MAP2: variants seen among roughly 807,000 people sequenced by gnomAD.
MAP2 encodes microtubule associated protein 2.
MAP2 carries 14 observed loss-of-function variants against 137.6 expected under a neutral mutation model. The observed-to-expected ratio is 0.10, with a 90% CI of 0.07 to 0.16. MAP2 has a LOEUF of 0.16. Among genes scored for constraint, MAP2 ranks in the 10% least tolerant of loss-of-function variants. The pLI, the probability that MAP2 is intolerant of heterozygous loss-of-function variation, is 1.00. For missense variants in MAP2, 2,088 were observed against 2,191.5 expected, an observed-to-expected ratio of 0.95 and a Z score of 0.94; for synonymous variants, 786 against 782.3, an observed-to-expected ratio of 1.00 and a Z score of -0.08.
chr2:209,515,726 A>T (rs1226330239), intron 2 of MAP2, among the ~76,000 whole-genome samples: 1 of 152,094 alleles, frequency 6.6e-6, no homozygotes, highest in African/African-American at 2.4e-5. Context: ...TTTAAGTACT[A>T]TTGTCTTCAT....
At chr2:209,656,931 C>T (rs933220720) in intron 5 of MAP2, among the ~76,000 whole-genome samples, 6 of 152,090 alleles carry the variant, frequency 3.9e-5, no homozygotes, top group East Asian at 1.9e-4. Flanking sequence ...TCTTTCCCAC[C>T]CTCCCGCCTT....
chr2:209,603,971 T>G (rs561972540), intron 3 of MAP2, among the ~76,000 whole-genome samples: 1 of 152,212 alleles, frequency 6.6e-6, no homozygotes, highest in Non-Finnish European at 1.5e-5. Context: ...CATTGCAAAT[T>G]CTAGTTAGCT....
rs537327489 is a variant in MAP2, at chr2:209,686,729, A to G, written c.455-5896A>G. 1.2e-4 allele frequency among the ~76,000 whole-genome samples: 19 copies of G among 152,304 alleles called. No homozygotes were observed. In the South Asian group the frequency reaches 3.7e-3, roughly 30 times the overall value. On this transcript the variant is annotated intron_variant, in intron 7 of 15. Transcript: ENST00000682079. ...TATGTTTAAATAATGCAAATTTCCT[A>G]GGCAAGATACAGGAAAGAACAGAAA...
intron 7 of MAP2, among the ~76,000 whole-genome samples, chr2:209,689,949 AACTTG>A (rs1189325817): frequency 1.3e-5 from 2 of 152,226 alleles, no homozygotes; most frequent in African/African-American, 4.8e-5. Context: ...AAGCTAACAT[AACTTG>A]ACTTAGGTAG....
At chr2:209,687,213 C>T (rs549220737) in intron 7 of MAP2, among the ~76,000 whole-genome samples, 2 of 149,654 alleles carry the variant, frequency 1.3e-5, no homozygotes, top group South Asian at 4.3e-4. Context: ...CTTGTGCATC[C>T]TAGATAATTA....
chr2:209,598,751 T>A (rs1339532719), intron 3 of MAP2, among the ~76,000 whole-genome samples: 54 of 151,110 alleles, frequency 3.6e-4, no homozygotes, highest in Middle Eastern at 3.2e-3. Flanking sequence ...TCCAATTTCA[T>A]CCATGTCCCT....
Position 209,604,676 on chromosome 2 carries a change from C to G in MAP2, c.-106-20377C>G, listed in dbSNP as rs142191715. On this transcript the variant is annotated intron_variant, in intron 3 of 15. Coordinates refer to ENST00000682079, the MANE Select transcript of MAP2 (RefSeq NM_001375505.1). ...TTCAAATTGTACACATAGGCAGGCC[C>G]AAACCCTGCGCACATGCTTTTTGTT... Among the ~76,000 whole-genome samples the G allele has an allele frequency of 9.4e-4, 143 of 152,214 alleles. 1 individual carries two copies. Among genetic ancestry groups the G allele is most frequent in the Admixed American group, 3.0e-3 (46 of 15,264 alleles).
intron 1 of MAP2, among the ~76,000 whole-genome samples, chr2:209,431,583 A>G (rs1694299551): frequency 6.6e-6 from 1 of 152,206 alleles, no homozygotes; most frequent in South Asian, 2.1e-4. Context: ...AGTACATATA[A>G]GTAAACTGGG....
chr2:209,515,447 A>T (rs1406123189), intron 2 of MAP2, among the ~76,000 whole-genome samples: 1 of 152,086 alleles, frequency 6.6e-6, no homozygotes, highest in Non-Finnish European at 1.5e-5. Flanking sequence ...CAGGAAACAC[A>T]ATCATGGTGC....
At chr2:209,614,678 G>T (rs553938155) in intron 3 of MAP2, among the ~76,000 whole-genome samples, 2 of 152,032 alleles carry the variant, frequency 1.3e-5, no homozygotes, top group African/African-American at 2.4e-5. Context: ...ACAAGCAATC[G>T]CTTTAGTAAT....
intron 7 of MAP2, among the ~76,000 whole-genome samples, chr2:209,686,320 G>T (rs1330420802): frequency 6.6e-6 from 1 of 152,170 alleles, no homozygotes; most frequent in Non-Finnish European, 1.5e-5. Context: ...AAGATTAAAT[G>T]TATTCTCTCT....
At chr2:209,436,602 T>C (rs1258789650) in intron 1 of MAP2, among the ~76,000 whole-genome samples, 2 of 151,726 alleles carry the variant, frequency 1.3e-5, no homozygotes, top group Non-Finnish European at 3.0e-5. Context: ...AACAAATACA[T>C]GAAGACTATG....
At chr2:209,729,614 T>C (rs904719854) in intron 14 of MAP2, among the ~76,000 whole-genome samples, 26 of 152,252 alleles carry the variant, frequency 1.7e-4, no homozygotes, top group African/African-American at 5.8e-4. Flanking sequence ...AGGAGAAAGG[T>C]ATTAATACGT....
chr2:209,659,907 G>T (rs760426878), intron 5 of MAP2, among the ~76,000 whole-genome samples: 6 of 151,972 alleles, frequency 3.9e-5, no homozygotes, highest in Non-Finnish European at 8.8e-5. Context: ...GCGTGGTGGC[G>T]GGCGCGTGTA....
intron 2 of MAP2, among the ~76,000 whole-genome samples, chr2:209,513,983 A>C (rs552423720): frequency 6.6e-6 from 1 of 152,292 alleles, no homozygotes; most frequent in East Asian, 1.9e-4. Flanking sequence ...GATGCATCAA[A>C]TTTCAGAAAG....
At chr2:209,710,451 T>C (rs2065048897) in intron 13 of MAP2, 197 bp downstream of exon 13, 1 of 566,078 alleles carries the variant, frequency 1.8e-6, no homozygotes. Flanking sequence ...TGCCCATTCC[T>C]TCTGTTTGTT....
intron 1 of MAP2, among the ~76,000 whole-genome samples, chr2:209,477,984 AC>A (rs1707753446): frequency 6.6e-6 from 1 of 152,146 alleles, no homozygotes; most frequent in South Asian, 2.1e-4. Context: ...AGCCTGGGGA[AC>A]AGAGCGAGAC....
At chr2:209,626,276 ATGG>A (rs1559436834) in intron 4 of MAP2, among the ~76,000 whole-genome samples, 1 of 152,026 alleles carries the variant, frequency 6.6e-6, no homozygotes, top group Non-Finnish European at 1.5e-5. Flanking sequence ...TTAGCCAGGT[ATGG>A]TGGTGGGCAC....
In MAP2 at chr2:209,731,834, A is replaced by T. The variant is rs1051848966; in HGVS notation, c.*1437A>T. On this transcript the variant is annotated 3_prime_UTR_variant, in exon 16 of 16. Transcript: ENST00000682079. ...TAGCTATAAAACACTTGAGACACAG[A>T]TATCTAAATCAGTTTTTTTCCAAGA... The T allele has an allele frequency of 3.3e-5, 5 of 152,208 alleles. No individual in the cohort carries two copies. The highest frequency in any genetic ancestry group is 3.3e-4 in the Admixed American group (5 of 15,272). 9.4% of individuals were successfully genotyped at this position (152,208 alleles called of 1,614,324 possible).
Sources: allele counts gnomAD v4.1 joint callset (sites outside exome capture counted in the v4.1 genomes callset), GRCh38; gene constraint gnomAD v4.1.1; transcripts MANE v1.5; gene names NCBI Gene and HGNC (gene_info 2026-07-23, HGNC 2026-07-21).